The following ZFHX4 variants were observed in gnomAD, a reference collection of about 807,000 sequenced individuals.
ZFHX4 encodes zinc finger homeobox protein 4.
Under a neutral mutation model 267.6 loss-of-function variants are expected in ZFHX4, and 56 were observed. The observed-to-expected ratio is 0.21, with a 90% CI of 0.17 to 0.26. The LOEUF (loss-of-function observed/expected upper bound fraction) is 0.26, where lower values mean the gene tolerates loss of function less well. Among genes scored for constraint, ZFHX4 ranks in the 10% least tolerant of loss-of-function variants. The pLI, the probability that ZFHX4 is intolerant of heterozygous loss-of-function variation, is 1.00. For synonymous variants in ZFHX4, 1,778 were observed against 1,665.6 expected (o/e 1.07, Z -1.64); for missense variants, 4,332 against 4,420.0 (o/e 0.98, Z 0.56).
chr8:76,844,998 T>TA (rs779492018), intron 6 of ZFHX4, among the ~76,000 whole-genome samples: 10 of 152,042 alleles, frequency 6.6e-5, no homozygotes, highest in Middle Eastern at 3.4e-3. Flanking sequence ...GTCATAAATG[T>TA]AAAAAAAATA....
chr8:76,748,617 G>A (rs1283901891), intron 3 of ZFHX4, among the ~76,000 whole-genome samples: 1 of 151,996 alleles, frequency 6.6e-6, no homozygotes, highest in Non-Finnish European at 1.5e-5. Flanking sequence ...TAAATTTTCT[G>A]TAGAGATGAG....
At chr8:76,711,118 A>T (rs1232806247) in intron 3 of ZFHX4, among the ~76,000 whole-genome samples, 1 of 152,122 alleles carries the variant, frequency 6.6e-6, no homozygotes, top group Non-Finnish European at 1.5e-5. Flanking sequence ...TATGGACTCA[A>T]AAAAAAGAAT....
intron 4 of ZFHX4, among the ~76,000 whole-genome samples, chr8:76,830,375 A>G (rs921054600): frequency 6.6e-6 from 1 of 152,230 alleles, no homozygotes; most frequent in African/African-American, 2.4e-5. Context: ...CAGGGGCTGG[A>G]GAACACAAAT....
At position 76,733,147 on chromosome 8, in the gene ZFHX4, G is replaced by C. The variant is rs189945237; in HGVS notation, c.3093+25099G>C. On this transcript the variant is annotated intron_variant, in intron 3 of 10. Coordinates refer to ENST00000651372, the MANE Select transcript of ZFHX4 (RefSeq NM_024721.5). ...ATTGTTCAGGGGTGGCGGTTTGGGG[G>C]ATGGGATTGTACAAAGCTTTAAATT... Among the ~76,000 whole-genome samples the C allele has an allele frequency of 8.5e-5, 13 of 152,246 alleles. 1 individual carries two copies. The highest frequency in any genetic ancestry group is 3.4e-3 in the Middle Eastern group (1 of 294).
intron 1 of ZFHX4, among the ~76,000 whole-genome samples, chr8:76,701,851 C>T (rs995101102): frequency 6.6e-6 from 1 of 152,086 alleles, no homozygotes; most frequent in Non-Finnish European, 1.5e-5. Context: ...GTTACCCTAT[C>T]ATTGGGGAAA....
At chr8:76,837,088 A>AT (rs1408998370) in intron 5 of ZFHX4, among the ~76,000 whole-genome samples, 1 of 152,158 alleles carries the variant, frequency 6.6e-6, no homozygotes, top group Non-Finnish European at 1.5e-5. Flanking sequence ...CTTTTTGGAC[A>AT]TCCAGTACAG....
rs749259046 is a variant in ZFHX4 at position 76,778,247 on chromosome 8, T to C, written c.3133T>C (p.Cys1045Arg). 5.4e-5 allele frequency: 87 copies of C among 1,613,594 alleles called. No homozygotes were observed. Among genetic ancestry groups the C allele is most frequent in the Non-Finnish European group, 7.0e-5 (83 of 1,179,726 alleles). Residue 1045 changes from cysteine (C) to arginine (R), a missense_variant, in exon 4 of 11, where the codon TGC becomes CGC. Coordinates refer to ENST00000651372, the MANE Select transcript of ZFHX4 (RefSeq NM_024721.5). Reference protein sequence around the residue: ...KQEGAVNPESCYYYCAVCDYT... With the variant: ...KQEGAVNPESRYYYCAVCDYT... Reference sequence around the variant, plus strand: ...AGAGGGTGCAGTGAATCCCGAATCCTGCTATTACTACTGTGCCGTGTGTGA... The same window carrying C: ...AGAGGGTGCAGTGAATCCCGAATCCCGCTATTACTACTGTGCCGTGTGTGA...
At chr8:76,831,354 T>G (rs1464310774) in intron 4 of ZFHX4, among the ~76,000 whole-genome samples, 1 of 152,124 alleles carries the variant, frequency 6.6e-6, no homozygotes, top group Admixed American at 6.5e-5. Context: ...ATGTTGATTC[T>G]TCACTAGAAA....
intron 3 of ZFHX4, among the ~76,000 whole-genome samples, chr8:76,741,625 C>T (rs1031085945): frequency 3.9e-5 from 6 of 152,110 alleles, no homozygotes; most frequent in Admixed American, 3.9e-4. Context: ...TTGTATTTGG[C>T]GGGAAGAACA....
At chr8:76,690,757 C>T (rs1807803023) in intron 1 of ZFHX4, among the ~76,000 whole-genome samples, 1 of 151,656 alleles carries the variant, frequency 6.6e-6, no homozygotes, top group African/African-American at 2.4e-5. Context: ...ACACGTCTAC[C>T]CTCTTTCCAT....
At chr8:76,850,122 A>C in intron 8 of ZFHX4, 123 bp from the exon 9 acceptor site, 2 of 759,812 alleles carry the variant, frequency 2.6e-6, no homozygotes, top group South Asian at 3.6e-5. Context: ...AACATCTGCA[A>C]AACATCCCTG....
chr8:76,767,697 A>G (rs150071668), intron 3 of ZFHX4, among the ~76,000 whole-genome samples: 7 of 152,220 alleles, frequency 4.6e-5, no homozygotes, highest in Non-Finnish European at 8.8e-5. Flanking sequence ...AAAGTCAAGT[A>G]TCTGGTGAAG....
chr8:76,787,434 A>T (rs1317116935), intron 4 of ZFHX4, among the ~76,000 whole-genome samples: 2 of 152,114 alleles, frequency 1.3e-5, no homozygotes, highest in East Asian at 3.9e-4. Flanking sequence ...TTTCAAAACC[A>T]CAGGGTGTGT....
chr8:76,756,904 G>T (rs1318278803), intron 3 of ZFHX4, among the ~76,000 whole-genome samples: 1 of 151,952 alleles, frequency 6.6e-6, no homozygotes, highest in Non-Finnish European at 1.5e-5. Flanking sequence ...AAAGGTTATT[G>T]TGTCTATTAT....
At chr8:76,780,105 G>A (rs868845805) in intron 4 of ZFHX4, among the ~76,000 whole-genome samples, 5 of 151,686 alleles carry the variant, frequency 3.3e-5, no homozygotes, top group South Asian at 2.1e-4. Flanking sequence ...GTCTTTGGTA[G>A]GTTTTACCAG....
At chr8:76,777,168 T>C (rs988479475) in intron 3 of ZFHX4, among the ~76,000 whole-genome samples, 1 of 152,216 alleles carries the variant, frequency 6.6e-6, no homozygotes, top group Admixed American at 6.5e-5. Context: ...GTTGCTATTC[T>C]TATTTTGGGA....
chr8:76,864,756 A>T lies in ZFHX4; in HGVS notation c.*191A>T. ...TATGTAATGGACAGAACTGATGCAG[A>T]TGGTTGAATGCGCTTGTACTATATG... is the stretch of plus-strand genomic sequence containing the variant. On this transcript the variant is annotated 3_prime_UTR_variant, in exon 11 of 11. Transcript: ENST00000651372. 2 of 436,588 alleles carry T rather than the reference A, an allele frequency of 4.6e-6. No homozygotes were observed. 27.0% of individuals were successfully genotyped at this position (436,588 alleles called of 1,614,324 possible).
intron 4 of ZFHX4, among the ~76,000 whole-genome samples, chr8:76,822,452 C>CTTTTTTTTTT (rs5892566): frequency 4.3e-5 from 5 of 116,150 alleles, no homozygotes; most frequent in African/African-American, 1.5e-4. Context: ...GTGTCTACCT[C>CTTTTTTTTTT]TTTTTTTTTT....
chr8:76,764,569 T>A (rs930310735), intron 3 of ZFHX4, among the ~76,000 whole-genome samples: 1 of 152,212 alleles, frequency 6.6e-6, no homozygotes, highest in Non-Finnish European at 1.5e-5. Context: ...TTGATCTAAT[T>A]AGAATCTTGA....
Sources: allele counts gnomAD v4.1 joint callset (sites outside exome capture counted in the v4.1 genomes callset), GRCh38; gene constraint gnomAD v4.1.1; transcripts MANE v1.5; gene names NCBI Gene and HGNC (gene_info 2026-07-23, HGNC 2026-07-21).